PTPRC: variants seen among roughly 807,000 people sequenced by gnomAD.
PTPRC encodes receptor-type tyrosine-protein phosphatase C.
Under a neutral mutation model 155.9 loss-of-function variants are expected in PTPRC, and 44 were observed. The observed-to-expected ratio is 0.28, with a 90% CI of 0.22 to 0.36. The LOEUF (loss-of-function observed/expected upper bound fraction) is 0.36, where lower values mean the gene tolerates loss of function less well. Among genes scored for constraint, PTPRC ranks in the 10% least tolerant of loss-of-function variants. The pLI, the probability that PTPRC is intolerant of heterozygous loss-of-function variation, is 1.00. For synonymous variants in PTPRC, 525 were observed against 533.1 expected (o/e 0.98, Z 0.21); for missense variants, 1,401 against 1,564.6 (o/e 0.90, Z 1.76).
chr1:198,714,522 G>A (rs1653471219), intron 12 of PTPRC, among the ~76,000 whole-genome samples: 1 of 152,178 alleles, frequency 6.6e-6, no homozygotes, highest in African/African-American at 2.4e-5. Context: ...GAGAAGGGGA[G>A]GCTAGCTATC....
intron 3 of PTPRC, among the ~76,000 whole-genome samples, chr1:198,696,118 C>T (rs1450702467): frequency 6.6e-6 from 1 of 151,364 alleles, no homozygotes; most frequent in East Asian, 1.9e-4. Context: ...CAAGATCGTG[C>T]CACTGCACTC....
At chr1:198,647,820 T>C (rs1312356817) in intron 2 of PTPRC, among the ~76,000 whole-genome samples, 1 of 151,848 alleles carries the variant, frequency 6.6e-6, no homozygotes, top group East Asian at 1.9e-4. Context: ...GTGTTTTCCA[T>C]GTAATTTGGG....
chr1:198,647,767 T>C (rs1388693647), intron 2 of PTPRC, among the ~76,000 whole-genome samples: 1 of 151,902 alleles, frequency 6.6e-6, no homozygotes, highest in Non-Finnish European at 1.5e-5. Context: ...TATTCAGTTA[T>C]TTATTAACTT....
rs772094735 is a variant in PTPRC at position 198,731,618 on chromosome 1, T to C, written c.1866T>C (p.Asp622=). The C allele has an allele frequency of 1.3e-6, 2 of 1,599,566 alleles. No homozygotes were observed. The highest frequency in any genetic ancestry group is 2.2e-5 in the South Asian group (2 of 90,820). Reference sequence around the variant, plus strand: ...ATTGAATCTTTAATATGTTTCCAGATGATGAAAAACAACTGATGAATGTGG... The same window carrying C: ...ATTGAATCTTTAATATGTTTCCAGACGATGAAAAACAACTGATGAATGTGG... The part of the protein sequence containing the change: ...LDEQQELVER[D]DEKQLMNVEP... The change falls in exon 18 of 33, where the codon GAT becomes GAC. Residue 622 remains aspartate (D), a splice_region_variant and synonymous_variant. Transcript: ENST00000442510.
chr1:198,706,929 C>T lies in PTPRC; in HGVS notation c.881C>T (p.Thr294Ile). ...AATTCATGTACTGCTCCTGATAAGA[C>T]ATTAATATTAGATGTGCCACCAGGT... ...SHNSCTAPDK[T>I]LILDVPPGVE... The change falls in exon 9 of 33, where the codon ACA becomes ATA. Residue 294 changes from threonine (T) to isoleucine (I), a missense_variant. Thr to Ile is a moderately conservative substitution (Grantham distance 89, BLOSUM62 -1). Transcript: ENST00000442510. The T allele has an allele frequency of 6.2e-7, 1 of 1,607,274 alleles. No homozygotes were observed. The highest frequency in any genetic ancestry group is 8.5e-7 in the Non-Finnish European group (1 of 1,174,000).
intron 14 of PTPRC, among the ~76,000 whole-genome samples, chr1:198,720,579 C>T (rs1244413280): frequency 6.6e-6 from 1 of 152,092 alleles, no homozygotes; most frequent in Non-Finnish European, 1.5e-5. Context: ...ATCTGCCCAC[C>T]TTACCTCCCA....
At chr1:198,725,773 C>T (rs547789422) in intron 15 of PTPRC, among the ~76,000 whole-genome samples, 43 of 152,174 alleles carry the variant, frequency 2.8e-4, no homozygotes, top group Admixed American at 2.1e-3. Context: ...CATGTTCTGA[C>T]CCATGATTCA....
chr1:198,674,996 A>G lies in PTPRC; in HGVS notation c.74-17351A>G, dbSNP rs1306244733. 5.3e-5 allele frequency among the ~76,000 whole-genome samples: 8 copies of G among 152,078 alleles called. No homozygotes were observed. The South Asian group carries it at 1.7e-3, about 31-fold the overall frequency. The stretch of plus-strand genomic sequence containing the variant: ...CTCATGTTGCATTTATTTCTTATGC[A>G]TCTTTAGTCCCCTAGGATTTGTGAC... On this transcript the variant is annotated intron_variant, in intron 2 of 32. Transcript: ENST00000442510.
chr1:198,649,599 T>C (rs1367657063), intron 2 of PTPRC, among the ~76,000 whole-genome samples: 1 of 151,862 alleles, frequency 6.6e-6, no homozygotes, highest in Non-Finnish European at 1.5e-5. Flanking sequence ...AGTTTCATCA[T>C]TGGAGACTTC....
At chr1:198,692,658 A>C (rs529023311) in intron 3 of PTPRC, 2 of 964,610 alleles carry the variant, frequency 2.1e-6, no homozygotes, top group Non-Finnish European at 1.3e-6. Flanking sequence ...ACTCTCTTTT[A>C]ATATTTTAAG....
intron 31 of PTPRC, 112 bp downstream of exon 31, chr1:198,752,884 ACTT>A: frequency 1.7e-6 from 2 of 1,181,676 alleles, no homozygotes; most frequent in East Asian, 2.5e-5. Flanking sequence ...CACAGTAAAA[ACTT>A]CTTATGGAGT....
chr1:198,718,892 A>G (rs1378392202), intron 14 of PTPRC, among the ~76,000 whole-genome samples: 2 of 152,070 alleles, frequency 1.3e-5, no homozygotes, highest in East Asian at 1.9e-4. Context: ...TTAATATATC[A>G]CTATATCACA....
chr1:198,639,546 G>A (rs1185654631), intron 2 of PTPRC, among the ~76,000 whole-genome samples: 1 of 151,828 alleles, frequency 6.6e-6, no homozygotes, highest in Non-Finnish European at 1.5e-5. Flanking sequence ...AATGTTTCGG[G>A]ACAAAAAATA....
chr1:198,744,390 C>T (rs1655047393), intron 26 of PTPRC, among the ~76,000 whole-genome samples, 187 bp downstream of exon 26: 1 of 151,840 alleles, frequency 6.6e-6, no homozygotes, highest in African/African-American at 2.4e-5. Context: ...ACAACTATTA[C>T]ATAGGAGATT....
In PTPRC at chr1:198,757,277, T is replaced by G. The variant is rs932695289; in HGVS notation, c.*1096T>G. ...AAATTCAACCATTATTTTTTTCTTG[T>G]TTATAATACATTGTGTTATATGTTC... On this transcript the variant is annotated 3_prime_UTR_variant, in exon 33 of 33. Transcript: ENST00000442510. 2 of 151,886 alleles carry G rather than the reference T, an allele frequency of 1.3e-5. No homozygotes were observed. The highest frequency in any genetic ancestry group is 4.8e-5 in the African/African-American group (2 of 41,428). 9.4% of individuals were successfully genotyped at this position (151,886 alleles called of 1,614,324 possible). A position where few individuals can be genotyped will look rare whatever the true frequency, so the allele number is the denominator to read the frequency against.
At chr1:198,656,084 A>G (rs1663550365) in intron 2 of PTPRC, among the ~76,000 whole-genome samples, 1 of 152,122 alleles carries the variant, frequency 6.6e-6, no homozygotes, top group Non-Finnish European at 1.5e-5. Context: ...ATTTTGTAGT[A>G]ACAATTAAGT....
chr1:198,650,095 G>A (rs527719716), intron 2 of PTPRC, among the ~76,000 whole-genome samples: 1 of 151,908 alleles, frequency 6.6e-6, no homozygotes, highest in Admixed American at 6.6e-5. Flanking sequence ...CAAATTGGTA[G>A]GTTCGAGGCA....
chr1:198,650,417 G>A (rs1168023088), intron 2 of PTPRC, among the ~76,000 whole-genome samples: 1 of 151,804 alleles, frequency 6.6e-6, no homozygotes. Flanking sequence ...TGGACCAAGT[G>A]TTGGCAGTGC....
At chr1:198,673,852 C>G (rs1227338513) in intron 2 of PTPRC, among the ~76,000 whole-genome samples, 1 of 152,008 alleles carries the variant, frequency 6.6e-6, no homozygotes, top group Non-Finnish European at 1.5e-5. Flanking sequence ...TTGTAGAAAG[C>G]TAATCTAAAT....
Sources: gnomAD v4.1 joint callset for allele counts (sites outside exome capture counted in the v4.1 genomes callset) on GRCh38, gnomAD v4.1.1 for gene constraint, MANE v1.5 for transcripts, NCBI Gene and HGNC (gene_info 2026-07-23, HGNC 2026-07-21) for gene names.